The following ATP10B variants were observed in gnomAD, a reference collection of about 807,000 sequenced individuals.
ATP10B encodes the protein phospholipid-transporting ATPase VB.
ATP10B carries 122 observed loss-of-function variants against 141.2 expected under a neutral mutation model. The observed-to-expected ratio is 0.86, with a 90% CI of 0.75 to 1.00. The LOEUF is 1.00. ATP10B is among the 50% of genes least tolerant of loss of function. ATP10B has a pLI of 0.00. For missense variants in ATP10B, 1,876 were observed against 1,825.3 expected (o/e 1.03, Z -0.51); for synonymous variants, 685 against 692.0 (o/e 0.99, Z 0.16).
At chr5:160,881,754 TGA>T in the ATP10B span, among the ~76,000 whole-genome samples, 29 of 152,080 alleles carry the variant, frequency 1.9e-4, no homozygotes, top group African/African-American at 6.0e-4. Flanking sequence ...GAGCTTGCAG[TGA>T]GAGGAGATGG....
chr5:160,578,123 T>A (rs1428537952), intron 24 of ATP10B, among the ~76,000 whole-genome samples: 1 of 152,200 alleles, frequency 6.6e-6, no homozygotes, highest in African/African-American at 2.4e-5. Context: ...TATATTTCAA[T>A]TTAGTTAAAC....
chr5:160,921,114 A>G, the ATP10B span, among the ~76,000 whole-genome samples: 2 of 152,062 alleles, frequency 1.3e-5, no homozygotes, highest in African/African-American at 4.8e-5. Context: ...CGGATTAAAT[A>G]TTGTCATTCT....
At chr5:160,703,688 C>T (rs6879477) in intron 3 of ATP10B, among the ~76,000 whole-genome samples, 1,714 of 152,158 alleles carry the variant, frequency 0.011, 19 homozygotes, top group Non-Finnish European at 0.018. Flanking sequence ...TGGTCTTGAA[C>T]GCCTGACCTC....
chr5:160,578,858 G>A (rs1581142402), intron 24 of ATP10B, among the ~76,000 whole-genome samples: 1 of 152,056 alleles, frequency 6.6e-6, no homozygotes, highest in South Asian at 2.1e-4. Context: ...GTTTCCTGAC[G>A]TTTTAATGAT....
chr5:160,734,432 A>G (rs1314824899), intron 2 of ATP10B, among the ~76,000 whole-genome samples: 2 of 152,164 alleles, frequency 1.3e-5, no homozygotes, highest in Non-Finnish European at 2.9e-5. Flanking sequence ...AATACATGTA[A>G]CAATAGAACA....
the ATP10B span, among the ~76,000 whole-genome samples, chr5:160,878,624 A>G: frequency 3.9e-5 from 6 of 152,202 alleles, no homozygotes; most frequent in Middle Eastern, 3.4e-3. Flanking sequence ...GAAAATTTTC[A>G]CAACCTACTC....
intron 3 of ATP10B, among the ~76,000 whole-genome samples, chr5:160,707,360 G>C (rs1312261550): frequency 1.3e-5 from 2 of 152,212 alleles, no homozygotes; most frequent in Non-Finnish European, 2.9e-5. Context: ...CCCTAAGCTG[G>C]TATTGCTGGA....
At chr5:160,910,483 C>T in the ATP10B span, among the ~76,000 whole-genome samples, 2 of 152,138 alleles carry the variant, frequency 1.3e-5, no homozygotes, top group Non-Finnish European at 2.9e-5. Flanking sequence ...GTAGTATGTG[C>T]TCAGTAAATG....
chr5:160,837,825 G>A (rs1775551603), intron 1 of ATP10B, among the ~76,000 whole-genome samples: 2 of 152,080 alleles, frequency 1.3e-5, no homozygotes, highest in East Asian at 3.9e-4. Context: ...TCTTGCCCTG[G>A]AGATACGCCT....
chr5:160,638,832 C>A (rs918701467), intron 10 of ATP10B, among the ~76,000 whole-genome samples: 4 of 152,190 alleles, frequency 2.6e-5, no homozygotes, highest in Non-Finnish European at 5.9e-5. Context: ...TTTCTGAGAT[C>A]TCCTTTAGCA....
chr5:160,679,923 T>C (rs775283620), intron 6 of ATP10B, among the ~76,000 whole-genome samples: 6 of 152,204 alleles, frequency 3.9e-5, no homozygotes, highest in Non-Finnish European at 5.9e-5. Context: ...TTCATTAAAC[T>C]GAGCCCTGGG....
intron 18 of ATP10B, chr5:160,612,197 G>T (rs1345362544): frequency 6.6e-6 from 1 of 152,106 alleles, no homozygotes; most frequent in East Asian, 1.9e-4. Flanking sequence ...TTACTCTGTG[G>T]CAGACCAGCT....
chr5:160,893,198 A>G, the ATP10B span, among the ~76,000 whole-genome samples: 1 of 151,962 alleles, frequency 6.6e-6, no homozygotes, highest in African/African-American at 2.4e-5. Flanking sequence ...GTGAGACAGA[A>G]CCATTCACTC....
intron 1 of ATP10B, among the ~76,000 whole-genome samples, chr5:160,848,366 A>G (rs1469495198): frequency 2.0e-5 from 3 of 152,154 alleles, no homozygotes; most frequent in African/African-American, 7.2e-5. Flanking sequence ...CTCCCATTTG[A>G]TAGATGAGAA....
chr5:160,625,739 G>A (rs539043402), intron 13 of ATP10B, among the ~76,000 whole-genome samples: 1 of 152,272 alleles, frequency 6.6e-6, no homozygotes, highest in East Asian at 1.9e-4. Flanking sequence ...TAGTCTGTAA[G>A]TGCTATGAGG....
At chr5:160,846,411 A>G (rs1472221190) in intron 1 of ATP10B, among the ~76,000 whole-genome samples, 1 of 152,162 alleles carries the variant, frequency 6.6e-6, no homozygotes, top group African/African-American at 2.4e-5. Flanking sequence ...CCTCATAGGT[A>G]GTTTTTAAGG....
At position 160,688,911 on chromosome 5, in the gene ATP10B, C is replaced by A; in HGVS notation, c.-172G>T. 4 of 985,304 alleles carry A rather than the reference C, an allele frequency of 4.1e-6. No homozygotes were observed. The highest frequency in any genetic ancestry group is 4.8e-6 in the Non-Finnish European group (4 of 829,928). 61.0% of individuals were successfully genotyped at this position (985,304 alleles called of 1,614,324 possible). On this transcript the variant is annotated 5_prime_UTR_variant, in exon 4 of 26. Coordinates refer to ENST00000327245, the MANE Select transcript of ATP10B (RefSeq NM_025153.3). ...TGGCTGGAGTTGGGGATAGGGGATCCCTTTTCTTTTTCTCCACTCCATTTG... is the reference window on the plus strand; with the variant it reads ...TGGCTGGAGTTGGGGATAGGGGATCACTTTTCTTTTTCTCCACTCCATTTG...
At chr5:160,878,229 C>T in the ATP10B span, among the ~76,000 whole-genome samples, 3 of 151,236 alleles carry the variant, frequency 2.0e-5, no homozygotes, top group Admixed American at 6.6e-5. Flanking sequence ...AATAATGCCA[C>T]ATATCTACAA....
At chr5:160,683,667 C>CTA (rs1324366332) in intron 6 of ATP10B, among the ~76,000 whole-genome samples, 1 of 152,204 alleles carries the variant, frequency 6.6e-6, no homozygotes, top group African/African-American at 2.4e-5. Flanking sequence ...ATGAGATGGC[C>CTA]TAGGGTGCTG....
Sources: gnomAD v4.1 joint callset for allele counts (sites outside exome capture counted in the v4.1 genomes callset) on GRCh38, gnomAD v4.1.1 for gene constraint, MANE v1.5 for transcripts, NCBI Gene and HGNC (gene_info 2026-07-23, HGNC 2026-07-21) for gene names.